The following RALGAPA2 variants were observed in gnomAD, a reference collection of about 807,000 sequenced individuals.
RALGAPA2 encodes ral GTPase-activating protein subunit alpha-2.
Under a neutral mutation model 230.4 loss-of-function variants are expected in RALGAPA2, and 139 were observed. That is an observed-to-expected ratio of 0.60 (90% CI 0.53 to 0.69). The LOEUF is 0.69. RALGAPA2 is among the 30% of genes least tolerant of loss of function. The pLI, the probability that RALGAPA2 is intolerant of heterozygous loss-of-function variation, is 0.00. For missense variants in RALGAPA2, 2,163 were observed against 2,276.0 expected (o/e 0.95, Z 1.01); for synonymous variants, 847 against 837.8 (o/e 1.01, Z -0.19).
chr20:20,637,864 T>A (rs1428146934), intron 7 of RALGAPA2, among the ~76,000 whole-genome samples: 1 of 152,236 alleles, frequency 6.6e-6, no homozygotes, highest in South Asian at 2.1e-4. Context: ...CAGGTGTTTT[T>A]TTCTAAACTC....
intron 16 of RALGAPA2, among the ~76,000 whole-genome samples, chr20:20,593,884 A>G (rs1009801761): frequency 1.3e-5 from 2 of 152,218 alleles, no homozygotes; most frequent in African/African-American, 4.8e-5. Context: ...ACGGACGGAG[A>G]GCCTGCCACC....
intron 35 of RALGAPA2, among the ~76,000 whole-genome samples, chr20:20,496,072 C>T (rs1440077528): frequency 6.6e-6 from 1 of 151,796 alleles, no homozygotes; most frequent in Non-Finnish European, 1.5e-5. Context: ...AATTCAGGGC[C>T]ATTTCCACTG....
chr20:20,517,839 A>C (rs2062919076), intron 31 of RALGAPA2, among the ~76,000 whole-genome samples: 1 of 152,116 alleles, frequency 6.6e-6, no homozygotes, highest in African/African-American at 2.4e-5. Context: ...AGTCAAATCA[A>C]GAATAAATTC....
chr20:20,591,388 G>A (rs530489204), intron 16 of RALGAPA2, 74 bp from the exon 17 acceptor site: 130 of 1,447,498 alleles, frequency 9.0e-5, no homozygotes, highest in Admixed American at 4.3e-4. Context: ...TAAAACAACC[G>A]ATTTAAAAAA....
At chr20:20,529,139 T>TA (rs1213851158) in intron 27 of RALGAPA2, among the ~76,000 whole-genome samples, 4 of 152,188 alleles carry the variant, frequency 2.6e-5, no homozygotes, top group Non-Finnish European at 5.9e-5. Context: ...GACCAGGACT[T>TA]AAGTCAATGA....
chr20:20,390,374 A>AT lies in RALGAPA2; in HGVS notation c.*2914dup, dbSNP rs2122559956. The AT allele has an allele frequency of 6.6e-6, 1 of 152,340 alleles. No homozygotes were observed. The highest frequency in any genetic ancestry group is 1.5e-5 in the Non-Finnish European group (1 of 68,026). 9.4% of individuals were successfully genotyped at this position (152,340 alleles called of 1,614,324 possible). ...CTTCACTTCTGTCTGCTGAAGGCTT[A>AT]TTTTTAAAAAGTCATAATTTTTTAA... On this transcript the variant is annotated 3_prime_UTR_variant, in exon 40 of 40. Coordinates refer to ENST00000202677, the MANE Select transcript of RALGAPA2 (RefSeq NM_020343.4).
intron 36 of RALGAPA2, among the ~76,000 whole-genome samples, chr20:20,485,100 T>G (rs1454247106): frequency 6.6e-6 from 1 of 151,924 alleles, no homozygotes; most frequent in Non-Finnish European, 1.5e-5. Context: ...TTAGTGTTAG[T>G]GTATTTTATG....
chr20:20,393,290 C>G, intron 39 of RALGAPA2, 37 bp from the exon 40 acceptor site: 1 of 1,271,038 alleles, frequency 7.9e-7, no homozygotes, highest in Non-Finnish European at 1.0e-6. Flanking sequence ...GTCATGGAGG[C>G]AACGGCGGCT....
At chr20:20,490,432 C>T (rs1361266131) in intron 36 of RALGAPA2, among the ~76,000 whole-genome samples, 2 of 152,090 alleles carry the variant, frequency 1.3e-5, no homozygotes, top group Non-Finnish European at 1.5e-5. Context: ...TTAGTACATT[C>T]TGGTTGTTTG....
At chr20:20,711,925 A>C (rs999491687) in intron 1 of RALGAPA2, among the ~76,000 whole-genome samples, 2 of 152,110 alleles carry the variant, frequency 1.3e-5, no homozygotes, top group African/African-American at 4.8e-5. Context: ...GATGACAGAG[A>C]TGAGAGCCCA....
At chr20:20,498,442 C>T (rs536403571) in intron 35 of RALGAPA2, among the ~76,000 whole-genome samples, 266 of 152,336 alleles carry the variant, frequency 1.7e-3, no homozygotes, top group Admixed American at 1.8e-3. Flanking sequence ...TCTGTTGCTG[C>T]TGCCAGGCTG....
intron 10 of RALGAPA2, among the ~76,000 whole-genome samples, chr20:20,627,051 G>C (rs2180060): frequency 0.053 from 8,119 of 152,258 alleles, 294 homozygotes; most frequent in East Asian, 0.16. Flanking sequence ...TTAATGTAGG[G>C]AATGGGGTAG....
intron 23 of RALGAPA2, among the ~76,000 whole-genome samples, chr20:20,568,540 C>T (rs1034329332): frequency 9.2e-5 from 14 of 152,212 alleles, no homozygotes; most frequent in Non-Finnish European, 1.8e-4. Flanking sequence ...GAGAACACAA[C>T]TCATGAGACA....
intron 36 of RALGAPA2, among the ~76,000 whole-genome samples, chr20:20,474,252 T>A (rs183282245): frequency 1.3e-5 from 2 of 151,950 alleles, no homozygotes; most frequent in Admixed American, 1.3e-4. Flanking sequence ...GGCCTTGTGG[T>A]GGGAGTAGAA....
At chr20:20,607,302 C>T (rs2065851392) in intron 14 of RALGAPA2, among the ~76,000 whole-genome samples, 1 of 152,074 alleles carries the variant, frequency 6.6e-6, no homozygotes, top group Non-Finnish European at 1.5e-5. Flanking sequence ...CTGTAATACG[C>T]CTGTTCTCTG....
At chr20:20,560,348 C>T (rs2064220212) in intron 23 of RALGAPA2, among the ~76,000 whole-genome samples, 1 of 152,086 alleles carries the variant, frequency 6.6e-6, no homozygotes, top group African/African-American at 2.4e-5. Flanking sequence ...AATTACCTAC[C>T]AAAGGATATT....
rs1446500323 is a variant in RALGAPA2 at position 20,390,735 on chromosome 20, CCA to C, written c.*2552_*2553del. 1.3e-5 allele frequency: 2 copies of C among 152,122 alleles called. No homozygotes were observed. The highest frequency in any genetic ancestry group is 2.9e-5 in the Non-Finnish European group (2 of 68,040). The allele number at this position is 152,122 out of a possible 1,614,324, so 9.4% of individuals were successfully genotyped here. Reference sequence around the variant, plus strand: ...AACTTGATCATTGCAATTTTCCACCCCAGATAACAAAAACAACTCCAGTCCAC... The same window carrying C: ...AACTTGATCATTGCAATTTTCCACCCGATAACAAAAACAACTCCAGTCCAC... On this transcript the variant is annotated 3_prime_UTR_variant, in exon 40 of 40. Transcript: ENST00000202677.
intron 36 of RALGAPA2, among the ~76,000 whole-genome samples, chr20:20,479,534 A>G (rs1047737271): frequency 1.3e-5 from 2 of 152,246 alleles, no homozygotes; most frequent in Non-Finnish European, 2.9e-5. Context: ...AAGTCAGGTA[A>G]TCACCTCAAA....
At chr20:20,570,288 G>A (rs527509976) in intron 23 of RALGAPA2, among the ~76,000 whole-genome samples, 34 of 152,148 alleles carry the variant, frequency 2.2e-4, no homozygotes, top group African/African-American at 7.9e-4. Flanking sequence ...TAAGTATTGG[G>A]AAATACATAC....
Sources: allele counts gnomAD v4.1 joint callset (sites outside exome capture counted in the v4.1 genomes callset), GRCh38; gene constraint gnomAD v4.1.1; transcripts MANE v1.5; gene names NCBI Gene and HGNC (gene_info 2026-07-23, HGNC 2026-07-21).